Variants in FRS2 observed in about 807,000 individuals in gnomAD.
FRS2 encodes the protein fibroblast growth factor receptor substrate 2, also known as FGFR signalling adaptor.
FRS2 carries 8 observed loss-of-function variants against 43.9 expected under a neutral mutation model. The ratio of observed to expected loss-of-function variants is 0.18; its 90% CI spans 0.11 to 0.33. The LOEUF is 0.33. Among genes scored for constraint, FRS2 ranks in the 10% least tolerant of loss-of-function variants. The probability of loss-of-function intolerance (pLI) is 1.00; values close to 1 mark genes in which losing one functional copy is unlikely to be tolerated. For synonymous variants in FRS2, 219 were observed against 220.3 expected (o/e 0.99, Z 0.05); for missense variants, 534 against 627.6 (o/e 0.85, Z 1.59).
At position 69,572,194 on chromosome 12, in the gene FRS2, G is replaced by A. The variant is rs373291771; in HGVS notation, c.489G>A (p.Pro163=). The A allele has an allele frequency of 2.0e-5, 32 of 1,612,738 alleles. No individual in the cohort carries two copies. In the Admixed American group the frequency reaches 2.3e-4, roughly 12 times the overall value. Residue 163 remains proline (P), a synonymous_variant, in exon 8 of 9, where the codon CCG becomes CCA. Transcript: ENST00000549921. The part of the protein sequence containing the change: ...YPSFGDASSH[P]SSRHPSVGSA... Reference sequence around the variant, plus strand: ...CATTTGGAGATGCTTCATCCCATCCGTCAAGCAGACATCCTTCTGTGGGAA... The same window carrying A: ...CATTTGGAGATGCTTCATCCCATCCATCAAGCAGACATCCTTCTGTGGGAA...
At chr12:69,572,468 A>G (rs183391624) in intron 8 of FRS2, among the ~76,000 whole-genome samples, 187 bp downstream of exon 8, 1 of 152,326 alleles carries the variant, frequency 6.6e-6, no homozygotes, top group East Asian at 1.9e-4. Flanking sequence ...GCGGGTATTC[A>G]GGGGAACTTA....
At chr12:69,487,179 T>A (rs12371904) in intron 1 of FRS2, among the ~76,000 whole-genome samples, 28,200 of 152,140 alleles carry the variant, frequency 0.19, 2,835 homozygotes, top group Middle Eastern at 0.28. Flanking sequence ...TTTAGATAAT[T>A]GATGAAGGTG....
At chr12:69,548,856 CA>C in intron 3 of FRS2, among the ~76,000 whole-genome samples, 1 of 152,294 alleles carries the variant, frequency 6.6e-6, no homozygotes, top group Middle Eastern at 3.4e-3. Context: ...AGCTGCCTAA[CA>C]GGGGCCATTA....
At chr12:69,516,596 G>A (rs1474563116) in intron 1 of FRS2, among the ~76,000 whole-genome samples, 1 of 152,156 alleles carries the variant, frequency 6.6e-6, no homozygotes, top group East Asian at 1.9e-4. Context: ...CTAGAGATGT[G>A]CTTGATGTAA....
chr12:69,518,677 G>T (rs1435040518), intron 1 of FRS2, among the ~76,000 whole-genome samples: 1 of 150,412 alleles, frequency 6.6e-6, no homozygotes, highest in Admixed American at 6.7e-5. Flanking sequence ...TGGCGCCACT[G>T]CACTCCAGCC....
chr12:69,549,643 G>A (rs1878701309), intron 3 of FRS2, among the ~76,000 whole-genome samples: 1 of 152,134 alleles, frequency 6.6e-6, no homozygotes, highest in Non-Finnish European at 1.5e-5. Flanking sequence ...AGACTTCTGT[G>A]GTTTGGTCTG....
intron 3 of FRS2, among the ~76,000 whole-genome samples, chr12:69,557,576 G>T (rs1879462299): frequency 6.7e-6 from 1 of 148,310 alleles, no homozygotes; most frequent in Non-Finnish European, 1.5e-5. Context: ...GAGTTTCTTT[G>T]AGAGTTCTGA....
intron 2 of FRS2, among the ~76,000 whole-genome samples, 187 bp downstream of exon 2, chr12:69,531,147 T>C (rs1021776583): frequency 6.6e-6 from 1 of 152,002 alleles, no homozygotes; most frequent in African/African-American, 2.4e-5. Flanking sequence ...CTGGCCAACA[T>C]GGTGAAACCC....
chr12:69,516,005 C>T (rs879852515), intron 1 of FRS2, among the ~76,000 whole-genome samples: 4 of 149,554 alleles, frequency 2.7e-5, no homozygotes, highest in Non-Finnish European at 4.4e-5. Flanking sequence ...AAGACAAACT[C>T]CCATAGTTTC....
intron 3 of FRS2, among the ~76,000 whole-genome samples, chr12:69,543,216 CTCAA>C (rs1322490617): frequency 2.0e-4 from 31 of 152,184 alleles, no homozygotes; most frequent in African/African-American, 7.5e-4. Flanking sequence ...TACAAGTCAT[CTCAA>C]TAAGTAACTA....
intron 1 of FRS2, among the ~76,000 whole-genome samples, chr12:69,471,801 G>T (rs759109168): frequency 3.8e-4 from 58 of 152,220 alleles, no homozygotes; most frequent in Non-Finnish European, 6.8e-4. Context: ...CTTGAAACCA[G>T]TGACGCTATC....
At chr12:69,491,485 A>G (rs1592929988) in intron 1 of FRS2, 2 of 122,718 alleles carry the variant, frequency 1.6e-5, no homozygotes, top group African/African-American at 6.1e-5. Context: ...TTTGTTTCCT[A>G]TCTTTGGTGC....
chr12:69,493,142 G>T (rs1354298695), intron 1 of FRS2, among the ~76,000 whole-genome samples: 1 of 152,204 alleles, frequency 6.6e-6, no homozygotes, highest in Non-Finnish European at 1.5e-5. Flanking sequence ...AAAAGCTTTA[G>T]ATAGGAACTG....
At chr12:69,547,830 CTTTT>C (rs71094722) in intron 3 of FRS2, among the ~76,000 whole-genome samples, 3 of 102,776 alleles carry the variant, frequency 2.9e-5, no homozygotes, top group African/African-American at 7.2e-5. Flanking sequence ...TCCATTAATA[CTTTT>C]TTTTTTTTTT....
chr12:69,563,308 T>C (rs1380793307), intron 4 of FRS2, among the ~76,000 whole-genome samples: 2 of 152,160 alleles, frequency 1.3e-5, no homozygotes, highest in African/African-American at 4.8e-5. Flanking sequence ...ATTAAAGAAG[T>C]TTCCTTTCAG....
At chr12:69,530,689 G>T (rs1876701325) in intron 1 of FRS2, among the ~76,000 whole-genome samples, 176 bp from the exon 2 acceptor site, 1 of 152,144 alleles carries the variant, frequency 6.6e-6, no homozygotes, top group South Asian at 2.1e-4. Flanking sequence ...GCTGCAGTGA[G>T]GCGTGATGGT....
intron 1 of FRS2, among the ~76,000 whole-genome samples, chr12:69,506,035 A>G (rs887151237): frequency 6.6e-6 from 1 of 152,050 alleles, no homozygotes; most frequent in African/African-American, 2.4e-5. Flanking sequence ...TAACCTAAAA[A>G]TTTCTCCTAG....
At chr12:69,526,511 T>G (rs1876243873) in intron 1 of FRS2, among the ~76,000 whole-genome samples, 1 of 152,154 alleles carries the variant, frequency 6.6e-6, no homozygotes, top group Non-Finnish European at 1.5e-5. Context: ...CTATTGAGTA[T>G]GAAGAAATAA....
intron 1 of FRS2, among the ~76,000 whole-genome samples, chr12:69,474,165 G>C (rs955631863): frequency 1.3e-5 from 2 of 152,182 alleles, no homozygotes; most frequent in Admixed American, 6.6e-5. Context: ...TTAAGTGTCG[G>C]AGATGTTGAC....
Sources: gnomAD v4.1 joint callset for allele counts (sites outside exome capture counted in the v4.1 genomes callset) on GRCh38, gnomAD v4.1.1 for gene constraint, MANE v1.5 for transcripts, NCBI Gene and HGNC (gene_info 2026-07-23, HGNC 2026-07-21) for gene names.